TCERG1L: variants seen among roughly 807,000 people sequenced by gnomAD.
TCERG1L encodes the protein transcription elongation regulator 1 like.
A neutral mutation model predicts 56.3 loss-of-function variants in TCERG1L; 37 were observed. The ratio of observed to expected loss-of-function variants is 0.66; its 90% CI spans 0.51 to 0.87. The LOEUF is 0.87. Among genes scored for constraint, TCERG1L ranks in the 40% least tolerant of loss-of-function variants. TCERG1L has a pLI of 0.00. For missense variants in TCERG1L, 799 were observed against 774.2 expected (o/e 1.03, Z -0.38); for synonymous variants, 324 against 326.3 (o/e 0.99, Z 0.08).
chr10:131,248,966 G>A (rs11017840), intron 4 of TCERG1L, among the ~76,000 whole-genome samples: 26,612 of 152,156 alleles, frequency 0.17, 2,488 homozygotes, highest in East Asian at 0.22. Context: ...CAGCCGCCCC[G>A]GGGAGAGGCA....
intron 4 of TCERG1L, among the ~76,000 whole-genome samples, chr10:131,234,395 G>A (rs1183493067): frequency 6.6e-6 from 1 of 152,106 alleles, no homozygotes; most frequent in African/African-American, 2.4e-5. Flanking sequence ...TAGCTGTTAG[G>A]CACACCAAAT....
chr10:131,111,672 C>A lies in TCERG1L; in HGVS notation c.1395+5127G>T. ...GTCACGATTTCCTCGCACAGCCTGA[C>A]CTTCCCCTCGTCCACGCCCCGTGGG... On this transcript the variant is annotated intron_variant, in intron 9 of 11. Coordinates refer to ENST00000368642, the MANE Select transcript of TCERG1L (RefSeq NM_174937.4). Among the ~76,000 whole-genome samples, 4 of 142,944 alleles carry A rather than the reference C, an allele frequency of 2.8e-5. 1 individual carries two copies. The allele number at this position is 142,944 out of a possible 152,430, so 93.8% of individuals were successfully genotyped here.
intron 5 of TCERG1L, among the ~76,000 whole-genome samples, chr10:131,164,320 T>C (rs896357154): frequency 1.3e-5 from 2 of 152,122 alleles, no homozygotes; most frequent in African/African-American, 4.8e-5. Context: ...CCCATCACAA[T>C]TCTAACATAA....
chr10:131,182,202 G>T (rs1165894081), intron 4 of TCERG1L, among the ~76,000 whole-genome samples: 1 of 152,228 alleles, frequency 6.6e-6, no homozygotes, highest in Non-Finnish European at 1.5e-5. Context: ...TGAGTCTGCC[G>T]TGTGAGTGGG....
rs1176728030 is a variant in TCERG1L at position 131,311,432 on chromosome 10, C to A, written c.204G>T (p.Pro68=). The A allele has an allele frequency of 5.1e-6, 6 of 1,176,264 alleles. No homozygotes were observed. The African/African-American group carries it at 9.7e-5, about 19-fold the overall frequency. The allele number at this position is 1,176,264 out of a possible 1,614,324, so 72.9% of individuals were successfully genotyped here. ...VPPVLLASAP[P]PAAPLLPGLP... ...GACCGGGGAGCAGCGGGGCCGCGGG[C>A]GGCGGGGCCGAGGCGAGCAGCACCG... The change falls in exon 1 of 12, where the codon CCG becomes CCT. Residue 68 remains proline, a synonymous_variant. Transcript: ENST00000368642. The surrounding 1 kb of genome is among the most constrained non-coding windows in gnomAD (Gnocchi z 4.0).
chr10:131,117,487 C>T (rs1379554428), intron 8 of TCERG1L, among the ~76,000 whole-genome samples: 4 of 152,260 alleles, frequency 2.6e-5, no homozygotes, highest in African/African-American at 7.2e-5. Flanking sequence ...GGCTGGGACC[C>T]CTCCTCAGGC....
intron 8 of TCERG1L, among the ~76,000 whole-genome samples, chr10:131,129,919 C>G (rs1263122266): frequency 1.3e-5 from 2 of 152,052 alleles, no homozygotes; most frequent in African/African-American, 2.4e-5. Context: ...ATGGGGGAGA[C>G]TTCCACGAAC....
At chr10:131,162,949 T>G in intron 6 of TCERG1L, 173 bp downstream of exon 6, 2 of 527,840 alleles carry the variant, frequency 3.8e-6, no homozygotes, top group Non-Finnish European at 6.6e-6. Flanking sequence ...TGTTTTTTTC[T>G]TTCTGCAGAA....
chr10:131,253,734 G>A (rs554688381), intron 4 of TCERG1L, among the ~76,000 whole-genome samples: 23 of 152,244 alleles, frequency 1.5e-4, no homozygotes, highest in African/African-American at 3.4e-4. Context: ...CCAGAGCATC[G>A]TTGAAGAGGG....
chr10:131,093,101 AC>A lies in TCERG1L; in HGVS notation c.*60del, dbSNP rs1845198181. 1.9e-6 allele frequency: 3 copies of A among 1,570,458 alleles called. No homozygotes were observed. The highest frequency in any genetic ancestry group is 1.8e-5 in the Admixed American group (1 of 55,472). On this transcript the variant is annotated 3_prime_UTR_variant, in exon 12 of 12. Transcript: ENST00000368642. ...CACGCCCGTGTCCGTCTCCACCGTG[AC>A]CCCCTCGCCCCCGGCACGCCCAGGG... is the stretch of plus-strand genomic sequence containing the variant.
chr10:131,268,278 TTTA>T (rs1214068806), intron 3 of TCERG1L, among the ~76,000 whole-genome samples: 1 of 152,224 alleles, frequency 6.6e-6, no homozygotes, highest in Non-Finnish European at 1.5e-5. Context: ...CTTTTTTATT[TTTA>T]TTTTTTCTGA....
rs1399857017 is a variant in TCERG1L, at chr10:131,104,372, A to G, written c.1396-18T>C. 4 of 1,505,216 alleles carry G rather than the reference A, an allele frequency of 2.7e-6. No individual in the cohort carries two copies. The highest frequency in any genetic ancestry group is 3.6e-6 in the Non-Finnish European group (4 of 1,105,232). The allele number at this position is 1,505,216 out of a possible 1,614,324, so 93.2% of individuals were successfully genotyped here. On this transcript the variant is annotated intron_variant, in intron 9 of 11. Coordinates refer to ENST00000368642, the MANE Select transcript of TCERG1L (RefSeq NM_174937.4). The stretch of plus-strand genomic sequence containing the variant: ...GCTGATACCTAAAGAAAGATATTCA[A>G]TAGAGTTGCTGTTAGCGTCTAATGC...
intron 9 of TCERG1L, among the ~76,000 whole-genome samples, chr10:131,108,046 A>G (rs1845371802): frequency 6.6e-6 from 1 of 152,070 alleles, no homozygotes; most frequent in South Asian, 2.1e-4. Context: ...AGGGGAAGAA[A>G]GCCCGTCAAC....
At chr10:131,306,990 A>G (rs1326365839) in intron 3 of TCERG1L, among the ~76,000 whole-genome samples, 1 of 152,166 alleles carries the variant, frequency 6.6e-6, no homozygotes, top group African/African-American at 2.4e-5. Flanking sequence ...TTTAAACTAC[A>G]TTTGCTGGTT....
intron 4 of TCERG1L, among the ~76,000 whole-genome samples, chr10:131,204,941 C>T (rs1845500214): frequency 6.6e-6 from 1 of 152,110 alleles, no homozygotes; most frequent in Non-Finnish European, 1.5e-5. Context: ...ACCATGGGGT[C>T]AGGGCTCACG....
At chr10:131,170,688 C>T (rs530093405) in intron 4 of TCERG1L, among the ~76,000 whole-genome samples, 2 of 152,164 alleles carry the variant, frequency 1.3e-5, no homozygotes, top group South Asian at 2.1e-4. Context: ...GAGTCCAGCA[C>T]GACCGTCCTT....
At chr10:131,253,180 T>C (rs773857484) in intron 4 of TCERG1L, among the ~76,000 whole-genome samples, 55 of 152,280 alleles carry the variant, frequency 3.6e-4, no homozygotes, top group South Asian at 1.2e-3. Flanking sequence ...CCGGCCACCA[T>C]CGCAGCCACC....
rs867162773 is a variant in TCERG1L, at chr10:131,159,325, G to A, written c.1034+3797C>T. 4.6e-5 allele frequency among the ~76,000 whole-genome samples: 7 copies of A among 152,282 alleles called. No homozygotes were observed. The South Asian group carries it at 1.4e-3, about 32-fold the overall frequency. On this transcript the variant is annotated intron_variant, in intron 6 of 11. Coordinates refer to ENST00000368642, the MANE Select transcript of TCERG1L (RefSeq NM_174937.4). The stretch of plus-strand genomic sequence containing the variant: ...GAGGTCGTCTATTTGGGCAGGGATG[G>A]GCTGTTGTGCCTCTGGCAGAAGCTG...
intron 4 of TCERG1L, among the ~76,000 whole-genome samples, chr10:131,250,299 C>T (rs1004633838): frequency 2.1e-5 from 3 of 142,120 alleles, no homozygotes; most frequent in East Asian, 2.1e-4. Context: ...GAGATGAGGA[C>T]TCACAGACGC....
Sources: gnomAD v4.1 joint callset for allele counts (sites outside exome capture counted in the v4.1 genomes callset) on GRCh38, gnomAD v4.1.1 for gene constraint, Gnocchi (gnomAD v3.1) non-coding constraint, MANE v1.5 for transcripts, NCBI Gene and HGNC (gene_info 2026-07-23, HGNC 2026-07-21) for gene names.